DLG2: variants seen among roughly 807,000 people sequenced by gnomAD.
The protein encoded by DLG2 is discs large MAGUK scaffold protein 2.
In DLG2, 45 loss-of-function variants were observed where a neutral mutation model predicts 132.5. The observed-to-expected ratio is 0.34, with a 90% CI of 0.27 to 0.44. The LOEUF (loss-of-function observed/expected upper bound fraction) is 0.44. DLG2 is among the 20% of genes least tolerant of loss of function. The pLI, the probability that DLG2 is intolerant of heterozygous loss-of-function variation, is 1.00. For synonymous variants in DLG2, 424 were observed against 419.6 expected (o/e 1.01, Z -0.13); for missense variants, 1,045 against 1,196.9 (o/e 0.87, Z 1.87).
At chr11:83,479,069 G>A (rs2092871453) in intron 22 of DLG2, among the ~76,000 whole-genome samples, 2 of 151,990 alleles carry the variant, frequency 1.3e-5, no homozygotes, top group Admixed American at 6.6e-5. Context: ...AGAATTGATG[G>A]AATTTCTTCT....
intron 21 of DLG2, among the ~76,000 whole-genome samples, chr11:83,503,398 T>G (rs370537323): frequency 8.1e-4 from 25 of 30,788 alleles, no homozygotes; most frequent in Middle Eastern, 0.019. Context: ...TATATATATA[T>G]ATATATATAT....
chr11:83,634,067 G>A (rs890721388), intron 18 of DLG2, among the ~76,000 whole-genome samples: 6 of 152,026 alleles, frequency 3.9e-5, no homozygotes, highest in Non-Finnish European at 8.8e-5. Flanking sequence ...TCAAGAGTTT[G>A]GTGATGAATT....
intron 8 of DLG2, among the ~76,000 whole-genome samples, chr11:84,191,843 T>C (rs1245954322): frequency 6.6e-6 from 1 of 152,130 alleles, no homozygotes; most frequent in Non-Finnish European, 1.5e-5. Flanking sequence ...CTTAACATTC[T>C]GTCAAACAAC....
intron 7 of DLG2, among the ~76,000 whole-genome samples, chr11:84,324,234 G>A (rs2098419767): frequency 1.3e-5 from 2 of 151,950 alleles, no homozygotes; most frequent in South Asian, 4.1e-4. Flanking sequence ...GTTGATTTTT[G>A]TGGGTGGTAT....
chr11:83,481,449 A>G (rs1355826371), intron 22 of DLG2, among the ~76,000 whole-genome samples: 3 of 152,142 alleles, frequency 2.0e-5, no homozygotes, highest in African/African-American at 7.2e-5. Context: ...AAAAGTGACA[A>G]TAGTTATACA....
intron 18 of DLG2, among the ~76,000 whole-genome samples, chr11:83,670,843 G>C (rs2076714438): frequency 6.6e-6 from 1 of 152,194 alleles, no homozygotes; most frequent in South Asian, 2.1e-4. Flanking sequence ...TCCAATAATA[G>C]TATACTACTA....
intron 4 of DLG2, among the ~76,000 whole-genome samples, chr11:85,241,982 C>T (rs2075902915): frequency 6.6e-6 from 1 of 151,898 alleles, no homozygotes; most frequent in African/African-American, 2.4e-5. Context: ...CAAACACATC[C>T]TGAAAAGAGG....
chr11:83,805,572 T>C (rs1036842198), intron 17 of DLG2, among the ~76,000 whole-genome samples: 5 of 152,158 alleles, frequency 3.3e-5, no homozygotes, highest in Non-Finnish European at 7.4e-5. Flanking sequence ...TCTGTCTCTC[T>C]CCCATCCTCC....
intron 8 of DLG2, among the ~76,000 whole-genome samples, chr11:84,194,912 G>A (rs1057287673): frequency 1.3e-5 from 2 of 152,166 alleles, no homozygotes; most frequent in Non-Finnish European, 2.9e-5. Flanking sequence ...TTGAGCCTGC[G>A]CCCACCCGGA....
At chr11:84,891,806 G>A (rs1041392489) in intron 6 of DLG2, among the ~76,000 whole-genome samples, 17 of 152,110 alleles carry the variant, frequency 1.1e-4, no homozygotes, top group African/African-American at 4.1e-4. Context: ...TGCCAGATAT[G>A]TGAACAGCCC....
intron 7 of DLG2, among the ~76,000 whole-genome samples, chr11:84,334,621 A>T (rs2098475534): frequency 6.6e-6 from 1 of 152,254 alleles, no homozygotes; most frequent in South Asian, 2.1e-4. Context: ...TTTGTTCAAC[A>T]AATATTAATT....
chr11:83,869,164 T>C (rs529233638), intron 16 of DLG2, among the ~76,000 whole-genome samples: 1 of 152,290 alleles, frequency 6.6e-6, no homozygotes, highest in African/African-American at 2.4e-5. Context: ...TATGTACTGA[T>C]TCAAAGATGA....
intron 6 of DLG2, among the ~76,000 whole-genome samples, chr11:84,685,206 C>G (rs1228460473): frequency 6.6e-6 from 1 of 152,208 alleles, no homozygotes; most frequent in Non-Finnish European, 1.5e-5. Flanking sequence ...TACCATCCAA[C>G]TTCAGTTTTA....
At chr11:85,368,974 A>ACC (rs1055033536) in intron 3 of DLG2, among the ~76,000 whole-genome samples, 1 of 152,102 alleles carries the variant, frequency 6.6e-6, no homozygotes, top group African/African-American at 2.4e-5. Context: ...ATTCCCCAGA[A>ACC]CCCCATCTTT....
intron 6 of DLG2, among the ~76,000 whole-genome samples, chr11:84,722,844 T>C (rs2061989600): frequency 6.6e-6 from 1 of 152,152 alleles, no homozygotes; most frequent in South Asian, 2.1e-4. Flanking sequence ...GCCTAGTAGA[T>C]TTCTCCATTA....
chr11:84,420,652 T>A (rs2098946351), intron 7 of DLG2, among the ~76,000 whole-genome samples: 1 of 21,558 alleles, frequency 4.6e-5, no homozygotes, highest in Non-Finnish European at 8.8e-5. Context: ...CTTGTTTTCT[T>A]TTTTTTTTTT....
intron 3 of DLG2, among the ~76,000 whole-genome samples, chr11:85,472,997 T>C (rs1360774179): frequency 1.3e-5 from 2 of 152,238 alleles, no homozygotes; most frequent in Non-Finnish European, 2.9e-5. Flanking sequence ...CCTTTGGGGT[T>C]CTGTGGTTGC....
chr11:85,334,398 A>G (rs894462602), intron 3 of DLG2, among the ~76,000 whole-genome samples: 4 of 151,930 alleles, frequency 2.6e-5, no homozygotes, highest in Admixed American at 6.6e-5. Context: ...TGTTTCATCT[A>G]TATTTTGTAT....
At chr11:83,574,065 A>T (rs2144094604) in intron 19 of DLG2, among the ~76,000 whole-genome samples, 1 of 152,290 alleles carries the variant, frequency 6.6e-6, no homozygotes, top group South Asian at 2.1e-4. Context: ...GGCACATAAT[A>T]AGCATGTTAG....
Sources: gnomAD v4.1 joint callset for allele counts (sites outside exome capture counted in the v4.1 genomes callset) on GRCh38, gnomAD v4.1.1 for gene constraint, MANE v1.5 for transcripts, NCBI Gene and HGNC (gene_info 2026-07-23, HGNC 2026-07-21) for gene names.